Variants in KMT2C observed in about 807,000 individuals in gnomAD.
KMT2C encodes histone-lysine N-methyltransferase 2C.
A neutral mutation model predicts 507.9 loss-of-function variants in KMT2C; 88 were observed. The ratio of observed to expected loss-of-function variants is 0.17; its 90% CI spans 0.15 to 0.21. The LOEUF (loss-of-function observed/expected upper bound fraction) is 0.21. Ranked by LOEUF, KMT2C falls within the 10% of genes least tolerant of loss-of-function variation. The pLI, the probability that KMT2C is intolerant of heterozygous loss-of-function variation, is 1.00. For missense variants in KMT2C, 4,954 were observed against 5,957.8 expected, an observed-to-expected ratio of 0.83 and a Z score of 5.55; for synonymous variants, 2,049 against 2,080.8, an observed-to-expected ratio of 0.98 and a Z score of 0.42.
In KMT2C at chr7:152,144,989, C is replaced by T. The variant is rs1195296827; in HGVS notation, c.14175-108G>A. 4 of 1,390,070 alleles carry T rather than the reference C, an allele frequency of 2.9e-6. No individual in the cohort carries two copies. Among genetic ancestry groups the T allele is most frequent in the Non-Finnish European group, 2.9e-6 (3 of 1,026,578 alleles). The allele number at this position is 1,390,070 out of a possible 1,614,324, so 86.1% of individuals were successfully genotyped here. ...TCAGATTCTTACTGACAGAAACATA[C>T]ATGGAAAGCTGCCTAGCAGAGACAC... On this transcript the variant is annotated intron_variant, in intron 54 of 58. Transcript: ENST00000262189. This position sits in a 1 kb window ranked among gnomAD's most constrained non-coding sequence, Gnocchi z 4.4.
chr7:152,151,576 A>G lies in KMT2C; in HGVS notation c.12532T>C (p.Ser4178Pro). The G allele has an allele frequency of 6.2e-7, 1 of 1,613,706 alleles. No homozygotes were observed. The highest frequency in any genetic ancestry group is 1.1e-5 in the South Asian group (1 of 90,950). ...VPFPPTSNGL[S>P]GYKDSSHGIA... The stretch of plus-strand genomic sequence containing the variant: ...CCATGACTAGAATCCTTATATCCAG[A>G]AAGACCTAAAGGCAATCAACTTTTG... The change falls in exon 50 of 59, where the codon TCT (serine) becomes CCT (proline). Residue 4178 changes from serine to proline, a missense_variant. This residue lies in a region of KMT2C where 417 missense variants were observed against 461.1 expected (regional missense o/e 0.90). Coordinates refer to ENST00000262189, the MANE Select transcript of KMT2C (RefSeq NM_170606.3).
chr7:152,418,858 T>C (rs934570946), intron 1 of KMT2C, among the ~76,000 whole-genome samples: 2 of 145,974 alleles, frequency 1.4e-5, no homozygotes, highest in South Asian at 2.2e-4. Flanking sequence ...ATAAGTAGTA[T>C]CACAAAAAAA....
In KMT2C at chr7:152,163,264, C is replaced by G. The variant is rs778718870; in HGVS notation, c.10313G>C (p.Gly3438Ala). 1.4e-5 allele frequency: 22 copies of G among 1,614,032 alleles called. No homozygotes were observed. The highest frequency in any genetic ancestry group is 1.7e-5 in the Non-Finnish European group (20 of 1,180,026). Residue 3438 changes from glycine (G) to alanine (A), a missense_variant, in exon 43 of 59, where the codon GGC becomes GCC. Gly to Ala is a moderately conservative substitution (Grantham distance 60). Transcript: ENST00000262189. Reference sequence around the variant, plus strand: ...TGTCCTACTACTACTTATCTCAGAGCCCACCATACCATGCTGCTCCATTTC... The same window carrying G: ...TGTCCTACTACTACTTATCTCAGAGGCCACCATACCATGCTGCTCCATTTC... The part of the protein sequence containing the change: ...RMEMEQHGMV[G>A]SEISSSRTSV...
chr7:152,192,119 T>C (rs770088512), intron 31 of KMT2C, among the ~76,000 whole-genome samples: 10 of 152,144 alleles, frequency 6.6e-5, no homozygotes, highest in Admixed American at 1.3e-4. Context: ...TTCATAATGA[T>C]TGTAAGATGT....
At chr7:152,363,567 G>A (rs2097213383) in intron 1 of KMT2C, among the ~76,000 whole-genome samples, 1 of 152,114 alleles carries the variant, frequency 6.6e-6, no homozygotes, top group Admixed American at 6.5e-5. Flanking sequence ...ATGGCGAAGG[G>A]AACAAAGGGA....
intron 55 of KMT2C, among the ~76,000 whole-genome samples, chr7:152,141,954 C>T (rs765085588): frequency 6.8e-6 from 1 of 147,034 alleles, no homozygotes; most frequent in African/African-American, 2.5e-5. Flanking sequence ...CCCAGGAGAT[C>T]GAAGCTGCAG....
Position 152,355,226 on chromosome 7 carries a change from A to G in KMT2C, c.250+3361T>C, listed in dbSNP as rs1013212851. Among the ~76,000 whole-genome samples the G allele has an allele frequency of 2.0e-5, 3 of 152,354 alleles. 1 individual carries two copies. In the South Asian group the frequency reaches 6.2e-4, roughly 32 times the overall value. On this transcript the variant is annotated intron_variant, in intron 2 of 58. Coordinates refer to ENST00000262189, the MANE Select transcript of KMT2C (RefSeq NM_170606.3). The stretch of plus-strand genomic sequence containing the variant: ...AAAGACTCCATCTTTTTAAGCCTGA[A>G]CAATATACAGTGGCAATATACCAGA...
At chr7:152,220,304 C>T in intron 23 of KMT2C, 1 of 541,380 alleles carries the variant, frequency 1.8e-6, no homozygotes. Context: ...CTTGAGATTT[C>T]TGTAAGGTAG....
chr7:152,200,537 T>A (rs1433905919), intron 26 of KMT2C, among the ~76,000 whole-genome samples: 1 of 152,092 alleles, frequency 6.6e-6, no homozygotes. Flanking sequence ...GAGACCAGCC[T>A]GGGCAACATG....
intron 1 of KMT2C, among the ~76,000 whole-genome samples, chr7:152,397,656 C>T (rs976420609): frequency 6.6e-6 from 1 of 152,068 alleles, no homozygotes; most frequent in African/African-American, 2.4e-5. Context: ...AATTAAAGCT[C>T]CCATAATTCC....
intron 1 of KMT2C, chr7:152,367,699 T>G: frequency 7.4e-7 from 1 of 1,355,506 alleles, no homozygotes; most frequent in Non-Finnish European, 1.1e-6. Flanking sequence ...ACCCCAGGAT[T>G]TGGAGATGTA....
intron 1 of KMT2C, among the ~76,000 whole-genome samples, chr7:152,411,031 A>T (rs76019234): frequency 6.9e-5 from 10 of 145,424 alleles, no homozygotes; most frequent in African/African-American, 2.5e-4. Flanking sequence ...GTGTGTGTAT[A>T]TATGTATATG....
chr7:152,285,289 G>A (rs2096277560), intron 6 of KMT2C, among the ~76,000 whole-genome samples: 1 of 152,304 alleles, frequency 6.6e-6, no homozygotes, highest in African/African-American at 2.4e-5. Flanking sequence ...CAACAGATCG[G>A]TGATTGGCAG....
At chr7:152,137,986 C>T (rs889246905) in intron 58 of KMT2C, 1 of 152,252 alleles carries the variant, frequency 6.6e-6, no homozygotes, top group Admixed American at 6.5e-5. Context: ...AATCCCATGG[C>T]TATGTTCACG....
At chr7:152,359,265 G>A (rs2097176258) in intron 1 of KMT2C, among the ~76,000 whole-genome samples, 1 of 134,680 alleles carries the variant, frequency 7.4e-6, no homozygotes, top group Non-Finnish European at 1.6e-5. Context: ...ACAGCAAGGT[G>A]AAATTCCTGA....
rs2129121664 is a variant in KMT2C at position 152,183,172 on chromosome 7, A to G, written c.5083-16T>C. On this transcript the variant is annotated splice_polypyrimidine_tract_variant and intron_variant, in intron 34 of 58. Transcript: ENST00000262189. ...TGGCTTTTTGCTTTGACAAAAGAAG[A>G]GAAAAAAATTTCCCAGATTATGTTA... 6.6e-7 allele frequency: 1 copy of G among 1,510,788 alleles called. No individual in the cohort carries two copies. Among genetic ancestry groups the G allele is most frequent in the Non-Finnish European group, 8.8e-7 (1 of 1,131,462 alleles). 93.6% of individuals were successfully genotyped at this position (1,510,788 alleles called of 1,614,324 possible).
At chr7:152,345,682 G>A (rs897571140) in intron 2 of KMT2C, among the ~76,000 whole-genome samples, 2 of 151,968 alleles carry the variant, frequency 1.3e-5, no homozygotes, top group African/African-American at 4.8e-5. Context: ...CACCATGCTC[G>A]GTTAATTTTT....
At chr7:152,244,134 T>G (rs1476707126) in intron 14 of KMT2C, among the ~76,000 whole-genome samples, 1 of 152,238 alleles carries the variant, frequency 6.6e-6, no homozygotes, top group African/African-American at 2.4e-5. Flanking sequence ...CCACCATTTT[T>G]AAAGAGCATT....
At position 152,162,670 on chromosome 7, in the gene KMT2C, C is replaced by T. The variant is rs2129103925; in HGVS notation, c.10907G>A (p.Gly3636Asp). 1 of 1,614,166 alleles carries T rather than the reference C, an allele frequency of 6.2e-7. No individual in the cohort carries two copies. Among genetic ancestry groups the T allele is most frequent in the Non-Finnish European group, 8.5e-7 (1 of 1,180,032 alleles). ...AGGAGTAGAGGTAGTTTCTGAGATG[C>T]CTGGAGTCGGTGGGGCAGTTATATC... is the stretch of plus-strand genomic sequence containing the variant. ...HSDITAPPTP[G>D]ISETTSTPAV... Residue 3636 changes from glycine to aspartate, a missense_variant, in exon 43 of 59, where the codon GGC (glycine) becomes GAC (aspartate). Transcript: ENST00000262189.
Sources: gnomAD v4.1 joint callset for allele counts (sites outside exome capture counted in the v4.1 genomes callset) on GRCh38, gnomAD v4.1.1 for gene constraint, gnomAD v4.1.1 regional missense constraint, Gnocchi (gnomAD v3.1) non-coding constraint, MANE v1.5 for transcripts, NCBI Gene and HGNC (gene_info 2026-07-23, HGNC 2026-07-21) for gene names.